The following PDE2A variants were observed in gnomAD, a reference collection of about 807,000 sequenced individuals.
PDE2A encodes phosphodiesterase 2A, also known as cGMP-dependent 3',5'-cyclic phosphodiesterase.
In PDE2A, 53 loss-of-function variants were observed where a neutral mutation model predicts 133.6. The ratio of observed to expected loss-of-function variants is 0.40; its 90% confidence interval spans 0.32 to 0.50. The LOEUF (loss-of-function observed/expected upper bound fraction) is 0.50. Ranked by LOEUF, PDE2A falls within the 20% of genes least tolerant of loss-of-function variation. PDE2A has a pLI of 0.73. For missense variants in PDE2A, 796 were observed against 1,232.4 expected (o/e 0.65, Z 5.30); for synonymous variants, 491 against 490.2 (o/e 1.00, Z -0.02).
At chr11:72,633,145 C>A (rs116787920) in intron 2 of PDE2A, among the ~76,000 whole-genome samples, 1,881 of 152,308 alleles carry the variant, frequency 0.012, 42 homozygotes, top group African/African-American at 0.043. Context: ...ACCAGGGCTT[C>A]TGATTCCCAG....
At chr11:72,653,225 G>C (rs570381444) in intron 1 of PDE2A, among the ~76,000 whole-genome samples, 1 of 152,310 alleles carries the variant, frequency 6.6e-6, no homozygotes, top group Non-Finnish European at 1.5e-5. Flanking sequence ...CTGGGCTCTC[G>C]AGGGGAAGAA....
chr11:72,673,374 C>A (rs982723620), intron 1 of PDE2A, among the ~76,000 whole-genome samples: 1 of 150,862 alleles, frequency 6.6e-6, no homozygotes. Flanking sequence ...CTACACCCAA[C>A]ATGTCCCTTA....
intron 1 of PDE2A, among the ~76,000 whole-genome samples, chr11:72,660,988 G>A (rs1855037907): frequency 6.6e-6 from 1 of 152,100 alleles, no homozygotes; most frequent in Non-Finnish European, 1.5e-5. Flanking sequence ...AGGGCATCTG[G>A]CTGTGTCCTC....
intron 2 of PDE2A, chr11:72,630,969 G>T: frequency 1.2e-6 from 1 of 851,874 alleles, no homozygotes; most frequent in South Asian, 1.5e-5. Flanking sequence ...GCTGGGATGT[G>T]ACTCCAGCCT....
chr11:72,673,411 A>ACACACG (rs1348656666), intron 1 of PDE2A, among the ~76,000 whole-genome samples: 5 of 151,210 alleles, frequency 3.3e-5, no homozygotes, highest in Non-Finnish European at 7.4e-5. Context: ...ACACACACAC[A>ACACACG]CACACACATA....
chr11:72,623,390 C>T (rs1370390737), intron 2 of PDE2A, among the ~76,000 whole-genome samples: 4 of 152,256 alleles, frequency 2.6e-5, no homozygotes, highest in East Asian at 1.9e-4. Context: ...CTCACCTCCC[C>T]GGCCTCTAGA....
Position 72,584,713 on chromosome 11 carries a change from T to A in PDE2A, c.1375A>T (p.Ile459Phe). The A allele has an allele frequency of 1.9e-6, 3 of 1,613,384 alleles. No homozygotes were observed. The highest frequency in any genetic ancestry group is 8.5e-7 in the Non-Finnish European group (1 of 1,180,000). ...CCCGCGATGCCCTGATCGGCCGGGA[T>A]GCGGATCTCATAGCTCTGCCGGAGC... is the stretch of plus-strand genomic sequence containing the variant. ...VVDDESYEIR[I>F]PADQGIAGHV... The change falls in exon 18 of 31, where the codon ATC becomes TTC. Residue 459 changes from isoleucine (I) to phenylalanine (F), a missense_variant. Transcript: ENST00000334456.
chr11:72,589,637 C>T, intron 11 of PDE2A, 114 bp downstream of exon 11: 1 of 875,854 alleles, frequency 1.1e-6, no homozygotes, highest in Non-Finnish European at 1.9e-6. Context: ...CCAGATAATT[C>T]CATCGGATTC....
chr11:72,664,364 A>ATTTTT lies in PDE2A; in HGVS notation c.71+9768_71+9772dup, dbSNP rs34217943. ...CAAAATAGGGCTAGCCCCTTGAAGG[A>ATTTTT]TTTTTTTTTTTTTTTTTTTTTTTTT... On this transcript the variant is annotated intron_variant, in intron 1 of 30. Coordinates refer to ENST00000334456, the MANE Select transcript of PDE2A (RefSeq NM_002599.5). 2.9e-3 allele frequency among the ~76,000 whole-genome samples: 205 copies of ATTTTT among 70,100 alleles called. 35 individuals carry two copies. The highest frequency in any genetic ancestry group is 0.011 in the South Asian group (17 of 1,594). The allele number at this position is 70,100 out of a possible 152,430, so 46.0% of individuals were successfully genotyped here. A position where few individuals can be genotyped will look rare whatever the true frequency, so the allele number is the denominator to read the frequency against.
intron 1 of PDE2A, among the ~76,000 whole-genome samples, chr11:72,658,986 C>G (rs552176969): frequency 6.6e-6 from 1 of 152,258 alleles, no homozygotes; most frequent in East Asian, 1.9e-4. Flanking sequence ...AGCCGCTGTG[C>G]CCAGCTGAGC....
intron 4 of PDE2A, chr11:72,599,102 A>C: frequency 1.1e-6 from 1 of 879,930 alleles, no homozygotes; most frequent in Non-Finnish European, 1.4e-6. Context: ...CGGAGGCCAC[A>C]AGGTGGCACT....
chr11:72,606,036 C>T (rs1471134612), intron 3 of PDE2A, among the ~76,000 whole-genome samples: 1 of 151,972 alleles, frequency 6.6e-6, no homozygotes, highest in African/African-American at 2.4e-5. Context: ...GTATTTTGGA[C>T]CGATTACTCC....
chr11:72,607,665 T>G (rs939024087), intron 3 of PDE2A, among the ~76,000 whole-genome samples: 5 of 152,016 alleles, frequency 3.3e-5, no homozygotes, highest in African/African-American at 1.2e-4. Flanking sequence ...ACAAGTGCCC[T>G]CTCTCTCTGG....
At chr11:72,607,759 T>C (rs1857037329) in intron 3 of PDE2A, among the ~76,000 whole-genome samples, 1 of 152,150 alleles carries the variant, frequency 6.6e-6, no homozygotes, top group Non-Finnish European at 1.5e-5. Context: ...GTTGGCCATA[T>C]TTCCTGGAGC....
chr11:72,645,751 C>G (rs931403285), intron 1 of PDE2A, among the ~76,000 whole-genome samples: 1 of 152,172 alleles, frequency 6.6e-6, no homozygotes, highest in African/African-American at 2.4e-5. Context: ...CCCTACTGGC[C>G]GAGTGTATAC....
At chr11:72,632,893 C>T (rs1217620877) in intron 2 of PDE2A, among the ~76,000 whole-genome samples, 1 of 152,162 alleles carries the variant, frequency 6.6e-6, no homozygotes, top group Non-Finnish European at 1.5e-5. Flanking sequence ...TTCTGGTTCC[C>T]CCTCCAGCCA....
intron 2 of PDE2A, among the ~76,000 whole-genome samples, chr11:72,628,170 T>G (rs889932158): frequency 2.6e-5 from 4 of 152,192 alleles, no homozygotes; most frequent in African/African-American, 9.7e-5. Flanking sequence ...TCTAAGGATG[T>G]CATCCTTGAG....
chr11:72,585,526 A>G, intron 15 of PDE2A, 28 bp downstream of exon 15: 1 of 1,613,698 alleles, frequency 6.2e-7, no homozygotes, highest in Non-Finnish European at 8.5e-7. Context: ...GCCCACACAC[A>G]GCCAGGCAGA....
At chr11:72,643,174 C>T (rs1024037146) in intron 1 of PDE2A, 1 of 152,222 alleles carries the variant, frequency 6.6e-6, no homozygotes, top group African/African-American at 2.4e-5. Context: ...GTTCAGGAGC[C>T]TGCGGCAGCC....
Sources: gnomAD v4.1 joint callset for allele counts (sites outside exome capture counted in the v4.1 genomes callset) on GRCh38, gnomAD v4.1.1 for gene constraint, MANE v1.5 for transcripts, NCBI Gene and HGNC (gene_info 2026-07-23, HGNC 2026-07-21) for gene names.